Variants in LRRC7 observed in about 807,000 individuals in gnomAD.
LRRC7 encodes leucine rich repeat containing 7.
LRRC7 carries 23 observed loss-of-function variants against 175.7 expected under a neutral mutation model. The ratio of observed to expected loss-of-function variants is 0.13; its 90% CI spans 0.09 to 0.19. The LOEUF (loss-of-function observed/expected upper bound fraction) is 0.19. LRRC7 is among the 10% of genes least tolerant of loss of function. The pLI, the probability that LRRC7 is intolerant of heterozygous loss-of-function variation, is 1.00. For missense variants in LRRC7, 1,354 were observed against 1,904.7 expected, an observed-to-expected ratio of 0.71 and a Z score of 5.38; for synonymous variants, 685 against 680.9, an observed-to-expected ratio of 1.01 and a Z score of -0.09.
chr1:70,056,233 CCAGAACTCCATGGAA>C (rs756122000), intron 23 of LRRC7, among the ~76,000 whole-genome samples: 14 of 151,866 alleles, frequency 9.2e-5, no homozygotes, highest in African/African-American at 3.1e-4. Flanking sequence ...GAAGGATGGC[CCAGAACTCCATGGAA>C]CAGAACTCCA....
chr1:69,932,870 C>G (rs1031813274), intron 8 of LRRC7, among the ~76,000 whole-genome samples: 4 of 152,236 alleles, frequency 2.6e-5, no homozygotes, highest in African/African-American at 9.6e-5. Context: ...ATATGCTGGT[C>G]TCTGGGCTGC....
intron 11 of LRRC7, among the ~76,000 whole-genome samples, chr1:70,001,838 A>C (rs1337118791): frequency 1.3e-5 from 2 of 152,072 alleles, no homozygotes; most frequent in Non-Finnish European, 2.9e-5. Flanking sequence ...AGTGTTCCAG[A>C]CCTCATGTTT....
At chr1:70,052,709 T>C (rs1311245785) in intron 22 of LRRC7, among the ~76,000 whole-genome samples, 3 of 152,174 alleles carry the variant, frequency 2.0e-5, no homozygotes, top group African/African-American at 4.8e-5. Context: ...AAGTGCTGTG[T>C]TTTTAATAAT....
intron 8 of LRRC7, among the ~76,000 whole-genome samples, chr1:69,943,045 T>G: frequency 6.6e-6 from 1 of 152,156 alleles, no homozygotes; most frequent in East Asian, 1.9e-4. Context: ...AAGACAATTG[T>G]TTTTCTTCCA....
intron 7 of LRRC7, among the ~76,000 whole-genome samples, chr1:69,927,980 G>A (rs924220168): frequency 6.6e-6 from 1 of 152,106 alleles, no homozygotes; most frequent in African/African-American, 2.4e-5. Context: ...GTACAGATGG[G>A]TTTTTGCTGT....
intron 1 of LRRC7, among the ~76,000 whole-genome samples, chr1:69,633,993 T>C (rs1652934036): frequency 6.6e-6 from 1 of 152,128 alleles, no homozygotes. Context: ...GTACTTTGTT[T>C]TCTGATCCAG....
At chr1:70,078,535 G>T (rs1662950369) in intron 24 of LRRC7, among the ~76,000 whole-genome samples, 1 of 152,074 alleles carries the variant, frequency 6.6e-6, no homozygotes, top group African/African-American at 2.4e-5. Flanking sequence ...CTACTACCCT[G>T]ATTTCTTTCA....
intron 2 of LRRC7, among the ~76,000 whole-genome samples, chr1:69,747,653 AATTAC>A (rs1413795963): frequency 6.6e-6 from 1 of 152,238 alleles, no homozygotes; most frequent in African/African-American, 2.4e-5. Flanking sequence ...ATTCAGTAAC[AATTAC>A]ATTTCATTTC....
At chr1:69,923,746 G>T (rs1345546778) in intron 7 of LRRC7, among the ~76,000 whole-genome samples, 1 of 151,956 alleles carries the variant, frequency 6.6e-6, no homozygotes, top group Non-Finnish European at 1.5e-5. Flanking sequence ...CTCCCATTTT[G>T]TGGGTTGCCT....
intron 7 of LRRC7, among the ~76,000 whole-genome samples, chr1:69,929,508 G>A (rs1486653117): frequency 2.0e-5 from 3 of 152,098 alleles, no homozygotes; most frequent in African/African-American, 4.8e-5. Context: ...AAGACATTTA[G>A]TTCTTATCTT....
At chr1:69,884,949 C>A (rs889960345) in intron 7 of LRRC7, among the ~76,000 whole-genome samples, 2 of 149,892 alleles carry the variant, frequency 1.3e-5, no homozygotes, top group African/African-American at 5.0e-5. Flanking sequence ...ACCAGCCTTG[C>A]ATCACAGGGA....
intron 7 of LRRC7, among the ~76,000 whole-genome samples, chr1:69,927,809 A>C (rs1014812044): frequency 6.6e-6 from 1 of 152,118 alleles, no homozygotes; most frequent in Non-Finnish European, 1.5e-5. Context: ...CTCTCAACTC[A>C]TCAAAGTCAT....
At chr1:69,967,574 C>T (rs1350225120) in intron 8 of LRRC7, among the ~76,000 whole-genome samples, 4 of 152,136 alleles carry the variant, frequency 2.6e-5, no homozygotes, top group East Asian at 1.9e-4. Context: ...CCACCTCCAC[C>T]GGAGCAGGTG....
intron 2 of LRRC7, among the ~76,000 whole-genome samples, chr1:69,709,388 G>T (rs1664460806): frequency 6.6e-6 from 1 of 152,136 alleles, no homozygotes. Context: ...CAAACTTTCA[G>T]TCACATGGCC....
intron 7 of LRRC7, among the ~76,000 whole-genome samples, chr1:69,898,153 C>T (rs1646032367): frequency 6.6e-6 from 1 of 152,052 alleles, no homozygotes; most frequent in African/African-American, 2.4e-5. Context: ...AGGAATACCT[C>T]CCAGGTTTCT....
At chr1:69,901,559 C>A (rs933199574) in intron 7 of LRRC7, among the ~76,000 whole-genome samples, 1 of 152,168 alleles carries the variant, frequency 6.6e-6, no homozygotes, top group South Asian at 2.1e-4. Flanking sequence ...CACAGTTTTA[C>A]CCTGGGAACA....
chr1:69,715,444 C>A (rs1344681701), intron 2 of LRRC7, among the ~76,000 whole-genome samples: 1 of 151,990 alleles, frequency 6.6e-6, no homozygotes, highest in African/African-American at 2.4e-5. Flanking sequence ...GTATAGAATA[C>A]AAATTGCAAC....
intron 2 of LRRC7, among the ~76,000 whole-genome samples, chr1:69,687,698 G>A (rs1038794715): frequency 4.0e-5 from 6 of 149,284 alleles, no homozygotes; most frequent in African/African-American, 1.5e-4. Context: ...GAAATTCACT[G>A]AAGGGTTTTG....
At chr1:69,928,678 G>T (rs1474034287) in intron 7 of LRRC7, among the ~76,000 whole-genome samples, 3 of 152,198 alleles carry the variant, frequency 2.0e-5, no homozygotes, top group Non-Finnish European at 4.4e-5. Context: ...GTATTAGGGT[G>T]GGAGTGACCC....
Sources: allele counts gnomAD v4.1 joint callset (sites outside exome capture counted in the v4.1 genomes callset), GRCh38; gene constraint gnomAD v4.1.1; transcripts MANE v1.5; gene names NCBI Gene and HGNC (gene_info 2026-07-23, HGNC 2026-07-21).